Variants in CBLB observed in about 807,000 individuals in gnomAD.
CBLB encodes the protein Cbl proto-oncogene B.
A neutral mutation model predicts 104.9 loss-of-function variants in CBLB; 31 were observed. The ratio of observed to expected loss-of-function variants is 0.30; its 90% CI spans 0.22 to 0.40. The LOEUF (loss-of-function observed/expected upper bound fraction) is 0.40. Among genes scored for constraint, CBLB ranks in the 10% least tolerant of loss-of-function variants. The pLI, the probability that CBLB is intolerant of heterozygous loss-of-function variation, is 1.00. For synonymous variants in CBLB, 440 were observed against 422.6 expected, an observed-to-expected ratio of 1.04 and a Z score of -0.51; for missense variants, 1,062 against 1,214.6, an observed-to-expected ratio of 0.87 and a Z score of 1.87.
At chr3:105,681,145 TTATTATACTTA>T (rs2066271802) in intron 16 of CBLB, 1 of 373,110 alleles carries the variant, frequency 2.7e-6, no homozygotes, top group Non-Finnish European at 4.8e-6. Flanking sequence ...TTATTAAGAA[TTATTATACTTA>T]AAGAAAATCT....
intron 3 of CBLB, among the ~76,000 whole-genome samples, chr3:105,849,682 T>C (rs1012077124): frequency 6.6e-6 from 1 of 152,094 alleles, no homozygotes; most frequent in Non-Finnish European, 1.5e-5. Context: ...CCACATCATA[T>C]ATGATTACAT....
chr3:105,826,277 A>T (rs893189228), intron 3 of CBLB, among the ~76,000 whole-genome samples: 17 of 152,206 alleles, frequency 1.1e-4, no homozygotes, highest in Non-Finnish European at 2.2e-4. Context: ...TGCTCTATTA[A>T]GTCATTCATA....
chr3:105,733,374 G>T (rs1238475438), intron 9 of CBLB, among the ~76,000 whole-genome samples: 1 of 150,174 alleles, frequency 6.7e-6, no homozygotes, highest in African/African-American at 2.4e-5. Context: ...AAAAAAAAAG[G>T]AAAGTCCTTG....
chr3:105,776,617 A>ATG (rs1412938398), intron 3 of CBLB, 75 bp from the exon 4 acceptor site: 1 of 1,324,890 alleles, frequency 7.5e-7, no homozygotes, highest in Non-Finnish European at 1.1e-6. Flanking sequence ...GGTAATATAT[A>ATG]TTAAGACAAA....
chr3:105,659,992 GTCCC>G (rs1298483000), intron 18 of CBLB, among the ~76,000 whole-genome samples: 15 of 152,108 alleles, frequency 9.9e-5, no homozygotes, highest in Non-Finnish European at 2.1e-4. Flanking sequence ...TTCTAGATTA[GTCCC>G]TTGGTGATAA....
chr3:105,760,482 G>C (rs984746281), intron 4 of CBLB, among the ~76,000 whole-genome samples: 1 of 152,090 alleles, frequency 6.6e-6, no homozygotes, highest in African/African-American at 2.4e-5. Flanking sequence ...CATGGGTTAT[G>C]CAAGATACCT....
At chr3:105,802,783 T>C (rs191106095) in intron 3 of CBLB, among the ~76,000 whole-genome samples, 19 of 152,276 alleles carry the variant, frequency 1.2e-4, no homozygotes, top group African/African-American at 3.9e-4. Context: ...TTGAACTCCA[T>C]AAAACATTTA....
At chr3:105,849,392 T>C (rs986221534) in intron 3 of CBLB, among the ~76,000 whole-genome samples, 4 of 152,052 alleles carry the variant, frequency 2.6e-5, no homozygotes, top group Non-Finnish European at 2.9e-5. Flanking sequence ...AATTTTGTCT[T>C]AGGGTTGCAT....
At chr3:105,856,234 CA>C (rs1329867809) in intron 2 of CBLB, among the ~76,000 whole-genome samples, 1 of 151,126 alleles carries the variant, frequency 6.6e-6, no homozygotes. Flanking sequence ...CCTGTAATCC[CA>C]GCTACTAAGG....
intron 7 of CBLB, among the ~76,000 whole-genome samples, chr3:105,738,888 T>C (rs1428558552): frequency 6.6e-6 from 1 of 152,162 alleles, no homozygotes; most frequent in Non-Finnish European, 1.5e-5. Flanking sequence ...AATTAATTTA[T>C]TGAAAGGTTT....
At position 105,702,084 on chromosome 3, in the gene CBLB, T is replaced by G. The variant is rs760964465; in HGVS notation, c.1959+10A>C. On this transcript the variant is annotated intron_variant, in intron 12 of 18. Transcript: ENST00000394030. The stretch of plus-strand genomic sequence containing the variant: ...CAGATTCTCTAGCTTCTGCTTTGCG[T>G]ATTTCTTACCTTAGCTCCTTCTAAA... 6.2e-7 allele frequency: 1 copy of G among 1,614,064 alleles called. No individual in the cohort carries two copies. Among genetic ancestry groups the G allele is most frequent in the Non-Finnish European group, 8.5e-7 (1 of 1,179,980 alleles).
At chr3:105,677,295 C>G (rs913550878) in intron 17 of CBLB, among the ~76,000 whole-genome samples, 1 of 150,736 alleles carries the variant, frequency 6.6e-6, no homozygotes, top group African/African-American at 2.4e-5. Context: ...GTTGTACGTC[C>G]ATAACTTGTG....
Position 105,681,759 on chromosome 3 carries a change from T to A in CBLB, c.2261A>T (p.Lys754Ile). The A allele has an allele frequency of 1.2e-6, 2 of 1,611,418 alleles. No individual in the cohort carries two copies. The highest frequency in any genetic ancestry group is 1.7e-6 in the Non-Finnish European group (2 of 1,177,694). The change falls in exon 15 of 19, where the codon AAA (lysine) becomes ATA (isoleucine). Residue 754 changes from lysine (K) to isoleucine (I), a missense_variant. By Grantham distance (102) the Lys-to-Ile change is moderately radical. Around this residue, in one of 2 missense-constraint regions of CBLB, gnomAD observed 605 missense variants for 582.6 expected, o/e 1.04. Transcript: ENST00000394030. Reference protein sequence around the residue: ...NGTHGPSSEKKSNIPDLSIYL... With the variant: ...NGTHGPSSEKISNIPDLSIYL... ...TATGCTTAAGTCAGGGATGTTTGAT[T>A]TCTTCTCTGAAGATGGACCATGTGT...
At chr3:105,784,895 C>A (rs1029596390) in intron 3 of CBLB, among the ~76,000 whole-genome samples, 2 of 152,164 alleles carry the variant, frequency 1.3e-5, no homozygotes, top group Admixed American at 6.5e-5. Context: ...GTCTGCTTTC[C>A]GTGAGTTAAG....
At chr3:105,760,101 T>C (rs147731633) in intron 4 of CBLB, among the ~76,000 whole-genome samples, 97 of 152,346 alleles carry the variant, frequency 6.4e-4, no homozygotes, top group African/African-American at 2.2e-3. Context: ...TCTTCTCAAT[T>C]ATTTTGTTCA....
chr3:105,734,279 CAT>C, intron 8 of CBLB, 139 bp from the exon 9 acceptor site: 2 of 855,866 alleles, frequency 2.3e-6, no homozygotes, highest in South Asian at 3.0e-5. Flanking sequence ...CCATTTGAGA[CAT>C]GTTTTGAATT....
At chr3:105,777,008 G>A (rs2079560158) in intron 3 of CBLB, among the ~76,000 whole-genome samples, 2 of 151,936 alleles carry the variant, frequency 1.3e-5, no homozygotes, top group South Asian at 4.2e-4. Flanking sequence ...GGATGCAGAG[G>A]GAAGTAAAAG....
intron 6 of CBLB, among the ~76,000 whole-genome samples, chr3:105,742,108 G>A (rs921717076): frequency 6.6e-6 from 1 of 152,122 alleles, no homozygotes; most frequent in African/African-American, 2.4e-5. Flanking sequence ...TTATTTGAGT[G>A]TACTGCATTC....
intron 10 of CBLB, among the ~76,000 whole-genome samples, chr3:105,707,593 G>A (rs2070362264): frequency 6.6e-6 from 1 of 152,060 alleles, no homozygotes; most frequent in African/African-American, 2.4e-5. Flanking sequence ...TTCATTGCTG[G>A]TAAAATTCAA....
Sources: gnomAD v4.1 joint callset for allele counts (sites outside exome capture counted in the v4.1 genomes callset) on GRCh38, gnomAD v4.1.1 for gene constraint, gnomAD v4.1.1 regional missense constraint, MANE v1.5 for transcripts, NCBI Gene and HGNC (gene_info 2026-07-23, HGNC 2026-07-21) for gene names.